Variants in CPNE4 observed in about 807,000 individuals in gnomAD.
CPNE4 encodes the protein copine-4.
In CPNE4, 25 loss-of-function variants were observed where a neutral mutation model predicts 67.9. That is an observed-to-expected ratio of 0.37 (90% confidence interval 0.27 to 0.51). The LOEUF is 0.51. CPNE4 is among the 20% of genes least tolerant of loss of function. CPNE4 has a pLI of 0.93. For synonymous variants in CPNE4, 242 were observed against 244.9 expected (o/e 0.99, Z 0.11); for missense variants, 464 against 690.8 (o/e 0.67, Z 3.68).
intron 1 of CPNE4, among the ~76,000 whole-genome samples, chr3:131,950,126 G>A (rs1333660153): frequency 1.3e-5 from 2 of 152,158 alleles, no homozygotes; most frequent in Non-Finnish European, 2.9e-5. Flanking sequence ...GGGAAATAAA[G>A]GGTTAGGCCC....
At chr3:131,962,212 C>T (rs1408070249) in intron 1 of CPNE4, among the ~76,000 whole-genome samples, 2 of 152,190 alleles carry the variant, frequency 1.3e-5, no homozygotes, top group African/African-American at 4.8e-5. Context: ...TCCATTACAG[C>T]TAATATCTAT....
Position 131,717,903 on chromosome 3 carries a change from TTTC to T in CPNE4, c.360+5540_360+5542del, listed in dbSNP as rs1243683249. 3.4e-3 allele frequency among the ~76,000 whole-genome samples: 411 copies of T among 121,710 alleles called. 18 individuals are homozygous for T. The highest frequency in any genetic ancestry group is 0.017 in the South Asian group (65 of 3,844). The allele number at this position is 121,710 out of a possible 152,430, so 79.8% of individuals were successfully genotyped here. The stretch of plus-strand genomic sequence containing the variant: ...CTTTCTTTCTTTCTTTCTTTCTTTC[TTTC>T]TTTCTTTCTTTCTTTCTTTCTTTCT... On this transcript the variant is annotated intron_variant, in intron 3 of 15. Coordinates refer to ENST00000429747, the MANE Select transcript of CPNE4 (RefSeq NM_130808.3).
chr3:131,578,106 T>A (rs936322261), intron 9 of CPNE4, among the ~76,000 whole-genome samples: 21 of 152,144 alleles, frequency 1.4e-4, no homozygotes, highest in Admixed American at 1.3e-3. Context: ...AGCTTTATAT[T>A]TTTTACAGAT....
intron 1 of CPNE4, 97 bp from the exon 2 acceptor site, chr3:131,905,541 G>T (rs942193049): frequency 1.6e-5 from 17 of 1,072,870 alleles, no homozygotes; most frequent in Non-Finnish European, 2.3e-5. Context: ...AAAATTGTTT[G>T]ACACACAGTT....
At chr3:132,006,782 G>A (rs1053272509) in intron 1 of CPNE4, among the ~76,000 whole-genome samples, 5 of 152,042 alleles carry the variant, frequency 3.3e-5, no homozygotes, top group East Asian at 1.9e-4. Flanking sequence ...GGGGCATGAC[G>A]TGCCCAGACC....
At chr3:132,037,594 T>C (rs1271879580), upstream of CPNE4, 1 of 1,536,050 alleles carries the variant, frequency 6.5e-7, no homozygotes, top group East Asian at 2.4e-5. Context: ...TCTGAGCTGC[T>C]GGGTTCTACA....
chr3:131,717,885 T>C (rs112440219), intron 3 of CPNE4, among the ~76,000 whole-genome samples: 1,705 of 12,562 alleles, frequency 0.14, 150 homozygotes, highest in East Asian at 0.3. Flanking sequence ...TTTCTTTCTT[T>C]CTTTCTTTCT....
At chr3:131,566,689 G>C (rs962995842) in intron 10 of CPNE4, among the ~76,000 whole-genome samples, 2 of 151,898 alleles carry the variant, frequency 1.3e-5, no homozygotes, top group Non-Finnish European at 2.9e-5. Flanking sequence ...GGCCCTCCTG[G>C]GTTTACCAAG....
rs74671256 is a variant in CPNE4, at chr3:132,009,782, G to C, written c.-2+24785C>G. ...TAATCAGGACTAATTTTGTCCCCTG[G>C]GGGTATTTGGCAAAGCCTGGAGATA... On this transcript the variant is annotated intron_variant, in intron 1 of 15. Transcript: ENST00000429747. 0.011 allele frequency among the ~76,000 whole-genome samples: 1,676 copies of C among 152,282 alleles called. 160 individuals carry two copies. In the East Asian group the frequency reaches 0.22, roughly 20 times the overall value.
intron 7 of CPNE4, among the ~76,000 whole-genome samples, chr3:131,599,881 G>T (rs1301052539): frequency 6.6e-6 from 1 of 152,162 alleles, no homozygotes; most frequent in Admixed American, 6.5e-5. Context: ...TTCTAGGGAG[G>T]TGGCTATAAA....
chr3:131,976,393 T>C (rs2107625768), intron 1 of CPNE4, among the ~76,000 whole-genome samples: 1 of 152,264 alleles, frequency 6.6e-6, no homozygotes, highest in Non-Finnish European at 1.5e-5. Context: ...AAAGCTCTTT[T>C]CCCTTTATAA....
chr3:131,726,727 G>A (rs561048838), intron 2 of CPNE4, among the ~76,000 whole-genome samples: 26 of 111,954 alleles, frequency 2.3e-4, no homozygotes, highest in Non-Finnish European at 3.6e-4. Flanking sequence ...TGGGGGGGGC[G>A]GGGGGGCTTT....
chr3:131,756,894 A>G (rs1210231035), intron 2 of CPNE4, among the ~76,000 whole-genome samples: 1 of 152,162 alleles, frequency 6.6e-6, no homozygotes, highest in African/African-American at 2.4e-5. Flanking sequence ...AATAAGTCTC[A>G]AGAGATCTGA....
rs6780865 is a variant in CPNE4, at chr3:132,020,840, C to T, written c.-2+13727G>A. On this transcript the variant is annotated intron_variant, in intron 1 of 15. Transcript: ENST00000429747. ...GCTGGAACATGCCCAAAATTGCACCCGCACACGAGGAAGTCTCAAATGTTG... is the reference window on the plus strand; with the variant it reads ...GCTGGAACATGCCCAAAATTGCACCTGCACACGAGGAAGTCTCAAATGTTG... 6.8e-3 allele frequency among the ~76,000 whole-genome samples: 1,041 copies of T among 152,282 alleles called. 11 individuals are homozygous for T. The highest frequency in any genetic ancestry group is 0.023 in the African/African-American group (964 of 41,550).
chr3:131,787,687 A>G (rs2083603970), intron 2 of CPNE4, among the ~76,000 whole-genome samples: 1 of 152,166 alleles, frequency 6.6e-6, no homozygotes, highest in African/African-American at 2.4e-5. Flanking sequence ...CTCTTGTGAT[A>G]GAAACTTTAG....
intron 1 of CPNE4, among the ~76,000 whole-genome samples, chr3:132,005,908 A>G (rs2073590153): frequency 6.6e-6 from 1 of 152,128 alleles, no homozygotes; most frequent in Admixed American, 6.6e-5. Flanking sequence ...AAAACAAAAC[A>G]TAATACTACA....
rs147886749 is a variant in CPNE4, at chr3:131,605,111, C to T, written c.682-17529G>A. 1.6e-4 allele frequency among the ~76,000 whole-genome samples: 24 copies of T among 152,188 alleles called. 1 individual carries two copies. The highest frequency in any genetic ancestry group is 4.3e-4 in the African/African-American group (18 of 41,526). On this transcript the variant is annotated intron_variant, in intron 7 of 15. Coordinates refer to ENST00000429747, the MANE Select transcript of CPNE4 (RefSeq NM_130808.3). ...AGGTAACTTTATTGAGATTATTAAG[C>T]TAGAAAGGGATGAAGTTAGAATTTA...
chr3:131,563,717 A>C (rs533232195), intron 11 of CPNE4, among the ~76,000 whole-genome samples: 1 of 152,046 alleles, frequency 6.6e-6, no homozygotes, highest in Non-Finnish European at 1.5e-5. Flanking sequence ...GCCTCTGGCT[A>C]CGTGATAGTG....
intron 2 of CPNE4, among the ~76,000 whole-genome samples, chr3:131,864,328 C>T (rs1433142848): frequency 1.3e-5 from 2 of 152,048 alleles, no homozygotes; most frequent in African/African-American, 4.8e-5. Flanking sequence ...TTGATTCTTC[C>T]TACCCATGAT....
Sources: gnomAD v4.1 joint callset for allele counts (sites outside exome capture counted in the v4.1 genomes callset) on GRCh38, gnomAD v4.1.1 for gene constraint, MANE v1.5 for transcripts, NCBI Gene and HGNC (gene_info 2026-07-23, HGNC 2026-07-21) for gene names.